The following JAZF1 variants were observed in gnomAD, a reference collection of about 807,000 sequenced individuals.
The protein encoded by JAZF1 is JAZF zinc finger 1, also known as juxtaposed with another zinc finger protein 1.
JAZF1 carries 8 observed loss-of-function variants against 26.4 expected under a neutral mutation model. The ratio of observed to expected loss-of-function variants is 0.30; its 90% CI spans 0.18 to 0.55. JAZF1 has a LOEUF of 0.55. Ranked by LOEUF, JAZF1 falls within the 20% of genes least tolerant of loss-of-function variation. JAZF1 has a pLI of 0.94. For missense variants in JAZF1, 199 were observed against 322.0 expected (o/e 0.62, Z 2.92); for synonymous variants, 126 against 122.3 (o/e 1.03, Z -0.20).
chr7:27,872,341 T>C (rs367674621), intron 3 of JAZF1, among the ~76,000 whole-genome samples: 84 of 152,358 alleles, frequency 5.5e-4, no homozygotes, highest in African/African-American at 1.9e-3. Context: ...CAGTGCAATT[T>C]TATTTATAAC....
At chr7:27,923,650 C>T (rs1037925037) in intron 2 of JAZF1, among the ~76,000 whole-genome samples, 11 of 152,222 alleles carry the variant, frequency 7.2e-5, no homozygotes, top group African/African-American at 2.7e-4. Context: ...TCCATTCCCC[C>T]TGCAGCCCCC....
chr7:28,037,301 T>A (rs1160615234), intron 1 of JAZF1, among the ~76,000 whole-genome samples: 3 of 152,246 alleles, frequency 2.0e-5, no homozygotes, highest in African/African-American at 7.2e-5. Flanking sequence ...CTTTGTTTTA[T>A]GTTTCAGTTT....
Position 27,832,669 on chromosome 7 carries a change from A to G in JAZF1, c.*131T>C, listed in dbSNP as rs1583420337. On this transcript the variant is annotated 3_prime_UTR_variant, in exon 5 of 5. Transcript: ENST00000283928. ...AAGATACATCATTCCAAAATTACAG[A>G]AAAAATTTAAAGCATGCATTTAATT... 1.4e-6 allele frequency: 1 copy of G among 705,034 alleles called. No homozygotes were observed. Among genetic ancestry groups the G allele is most frequent in the East Asian group, 2.7e-5 (1 of 36,682 alleles). The allele number at this position is 705,034 out of a possible 1,614,324, so 43.7% of individuals were successfully genotyped here. A position where few individuals can be genotyped will look rare whatever the true frequency, so the allele number is the denominator to read the frequency against.
intron 3 of JAZF1, among the ~76,000 whole-genome samples, chr7:27,868,107 T>C (rs1006836684): frequency 3.9e-5 from 6 of 152,228 alleles, no homozygotes; most frequent in African/African-American, 1.4e-4. Flanking sequence ...AATGAGTGAA[T>C]ACGACAACGG....
chr7:27,996,975 C>A (rs111760715), intron 1 of JAZF1, among the ~76,000 whole-genome samples: 1 of 152,112 alleles, frequency 6.6e-6, no homozygotes, highest in Non-Finnish European at 1.5e-5. Context: ...CAAAGCCCCA[C>A]TAAAATAGAA....
intron 1 of JAZF1, among the ~76,000 whole-genome samples, chr7:28,136,227 T>C (rs542543862): frequency 6.2e-4 from 95 of 152,192 alleles, no homozygotes; most frequent in Non-Finnish European, 1.1e-3. Context: ...CTCCCTATTT[T>C]ACAGGTGAAG....
intron 1 of JAZF1, among the ~76,000 whole-genome samples, chr7:28,017,974 C>T (rs1782926185): frequency 6.6e-6 from 1 of 152,244 alleles, no homozygotes; most frequent in Admixed American, 6.5e-5. Context: ...AGGGTTTCAC[C>T]ATGTTGGTCA....
intron 3 of JAZF1, among the ~76,000 whole-genome samples, chr7:27,871,628 A>G (rs1180735189): frequency 1.3e-5 from 2 of 152,242 alleles, no homozygotes; most frequent in Non-Finnish European, 2.9e-5. Context: ...GTAAATGGCC[A>G]TTTCAAACTG....
intron 1 of JAZF1, among the ~76,000 whole-genome samples, chr7:28,142,835 CA>C (rs1256865083): frequency 6.6e-6 from 1 of 152,182 alleles, no homozygotes; most frequent in Non-Finnish European, 1.5e-5. Flanking sequence ...ACCCTTTCCC[CA>C]ACCCAGGCAT....
intron 2 of JAZF1, among the ~76,000 whole-genome samples, chr7:27,928,964 A>G (rs1454643848): frequency 6.6e-6 from 1 of 152,222 alleles, no homozygotes; most frequent in Non-Finnish European, 1.5e-5. Flanking sequence ...TTAAAAACAG[A>G]GGACATGGCA....
intron 2 of JAZF1, among the ~76,000 whole-genome samples, chr7:27,905,717 C>T (rs1163058615): frequency 6.6e-6 from 1 of 151,880 alleles, no homozygotes; most frequent in Non-Finnish European, 1.5e-5. Context: ...CCTTATCTAA[C>T]TACCATCTAT....
intron 1 of JAZF1, among the ~76,000 whole-genome samples, chr7:28,138,533 C>A (rs1782919047): frequency 6.6e-6 from 1 of 152,146 alleles, no homozygotes; most frequent in Admixed American, 6.5e-5. Flanking sequence ...CACCTGTTGC[C>A]AGCTTCTTTT....
intron 3 of JAZF1, among the ~76,000 whole-genome samples, chr7:27,871,167 C>T (rs1333733546): frequency 6.6e-6 from 1 of 152,200 alleles, no homozygotes; most frequent in Non-Finnish European, 1.5e-5. Flanking sequence ...CGCTGTTCCT[C>T]CTCAACTGGT....
At chr7:27,982,831 G>A (rs553337178) in intron 2 of JAZF1, among the ~76,000 whole-genome samples, 15 of 152,160 alleles carry the variant, frequency 9.9e-5, no homozygotes, top group Non-Finnish European at 2.1e-4. Context: ...GGCAAACAGG[G>A]TCTGGAGAGG....
chr7:28,112,995 A>G (rs921799394), intron 1 of JAZF1, among the ~76,000 whole-genome samples: 1 of 152,198 alleles, frequency 6.6e-6, no homozygotes, highest in Non-Finnish European at 1.5e-5. Context: ...TCAGGAGAAT[A>G]TGAAAGCAGA....
chr7:28,076,640 G>A (rs1024660296), intron 1 of JAZF1, among the ~76,000 whole-genome samples: 1 of 147,556 alleles, frequency 6.8e-6, no homozygotes, highest in Non-Finnish European at 1.5e-5. Flanking sequence ...AATTCAGAGT[G>A]AATGCTAAAT....
At chr7:27,873,184 A>G (rs1456156294) in intron 3 of JAZF1, among the ~76,000 whole-genome samples, 1 of 152,216 alleles carries the variant, frequency 6.6e-6, no homozygotes, top group Non-Finnish European at 1.5e-5. Context: ...TCTATTTCCG[A>G]CAAGGTCTTC....
At chr7:27,883,826 C>G (rs1783812160) in intron 3 of JAZF1, among the ~76,000 whole-genome samples, 1 of 152,208 alleles carries the variant, frequency 6.6e-6, no homozygotes, top group South Asian at 2.1e-4. Context: ...TTCTTCTCTG[C>G]TCCTTCTCTC....
intron 2 of JAZF1, among the ~76,000 whole-genome samples, chr7:27,958,805 C>T (rs1045220325): frequency 6.6e-6 from 1 of 152,138 alleles, no homozygotes; most frequent in Admixed American, 6.5e-5. Context: ...CAAGTCAGGG[C>T]TCCTTACAAA....
Sources: gnomAD v4.1 joint callset for allele counts (sites outside exome capture counted in the v4.1 genomes callset) on GRCh38, gnomAD v4.1.1 for gene constraint, MANE v1.5 for transcripts, NCBI Gene and HGNC (gene_info 2026-07-23, HGNC 2026-07-21) for gene names.